DNAJB6: variants seen among roughly 807,000 people sequenced by gnomAD.
The protein encoded by DNAJB6 is dnaJ homolog subfamily B member 6.
In DNAJB6, 16 loss-of-function variants were observed where a neutral mutation model predicts 42.7. The ratio of observed to expected loss-of-function variants is 0.37; its 90% CI spans 0.25 to 0.57. The LOEUF is 0.57. Ranked by LOEUF, DNAJB6 falls within the 20% of genes least tolerant of loss-of-function variation. The pLI, the probability that DNAJB6 is intolerant of heterozygous loss-of-function variation, is 0.74. For missense variants in DNAJB6, 347 were observed against 416.8 expected (o/e 0.83, Z 1.46); for synonymous variants, 170 against 163.5 (o/e 1.04, Z -0.30).
intron 1 of DNAJB6, among the ~76,000 whole-genome samples, chr7:157,347,634 A>G (rs1002480840): frequency 1.3e-5 from 2 of 152,212 alleles, no homozygotes; most frequent in Non-Finnish European, 2.9e-5. Context: ...AGAATGTGTG[A>G]CACGTGAGTC....
At chr7:157,339,543 G>T (rs369225209) in intron 1 of DNAJB6, among the ~76,000 whole-genome samples, 1 of 151,244 alleles carries the variant, frequency 6.6e-6, no homozygotes, top group African/African-American at 2.4e-5. Flanking sequence ...CTCGTGATCC[G>T]CCTCCTCGGC....
At chr7:157,406,888 T>C (rs1795788725) in intron 8 of DNAJB6, among the ~76,000 whole-genome samples, 1 of 152,202 alleles carries the variant, frequency 6.6e-6, no homozygotes, top group African/African-American at 2.4e-5. Flanking sequence ...CCAGAGCAGC[T>C]CTGAAGGCAG....
intron 8 of DNAJB6, among the ~76,000 whole-genome samples, chr7:157,395,232 G>T (rs529657218): frequency 1.3e-5 from 2 of 152,246 alleles, no homozygotes; most frequent in African/African-American, 2.4e-5. Context: ...GGGGGCTGGG[G>T]GGGGGTTGGT....
intron 1 of DNAJB6, among the ~76,000 whole-genome samples, chr7:157,342,782 A>T (rs559378748): frequency 4.1e-4 from 62 of 152,234 alleles, no homozygotes; most frequent in Non-Finnish European, 7.9e-4. Flanking sequence ...AAGGGAGTTA[A>T]GCTTGGAAGT....
rs886043335 is a variant in DNAJB6, at chr7:157,358,636, G to A, written c.64G>A (p.Ala22Thr). The A allele has an allele frequency of 6.2e-7, 1 of 1,610,412 alleles. No individual in the cohort carries two copies. Among genetic ancestry groups the A allele is most frequent in the Non-Finnish European group, 8.5e-7 (1 of 1,176,568 alleles). ...RHASPEDIKK[A>T]YRKLALKWHP... is the part of the protein sequence containing the mutation. ...TGCCTCACCCGAGGATATTAAAAAG[G>A]CGTAAGTAGTTTTATTTCTGTGGTA... is the stretch of plus-strand genomic sequence containing the variant. Residue 22 changes from alanine to threonine, a missense_variant and splice_region_variant, in exon 2 of 10, where the codon GCA becomes ACA. Ala to Thr is a moderately conservative substitution (Grantham distance 58). Coordinates refer to ENST00000262177, the MANE Select transcript of DNAJB6 (RefSeq NM_058246.4).
intron 5 of DNAJB6, chr7:157,381,450 G>A (rs1800764154): frequency 6.6e-6 from 1 of 152,102 alleles, no homozygotes; most frequent in African/African-American, 2.4e-5. Flanking sequence ...TGAATTTTTA[G>A]TAAGTACTCA....
At chr7:157,395,684 CTTTTTTTTTT>C (rs869242320) in intron 8 of DNAJB6, among the ~76,000 whole-genome samples, 1 of 131,896 alleles carries the variant, frequency 7.6e-6, no homozygotes, top group Admixed American at 7.6e-5. Flanking sequence ...TTTTTCTTTT[CTTTTTTTTTT>C]TTTTTTTTGA....
intron 1 of DNAJB6, among the ~76,000 whole-genome samples, chr7:157,340,987 TGTGTGTGTGTGC>T (rs1040599046): frequency 1.2e-4 from 10 of 86,154 alleles, no homozygotes; most frequent in African/African-American, 5.0e-4. Context: ...TGTGTGTGTG[TGTGTGTGTGTGC>T]GCGCGCGCAG....
intron 8 of DNAJB6, among the ~76,000 whole-genome samples, chr7:157,389,718 A>ATTTT (rs1801249301): frequency 6.6e-6 from 1 of 152,152 alleles, no homozygotes; most frequent in African/African-American, 2.4e-5. Flanking sequence ...AAAAGGTGAA[A>ATTTT]AGAGGGAATG....
intron 5 of DNAJB6, among the ~76,000 whole-genome samples, chr7:157,374,323 G>C (rs982874291): frequency 6.6e-6 from 1 of 152,100 alleles, no homozygotes; most frequent in African/African-American, 2.4e-5. Context: ...GCAGTGGCGT[G>C]ATCTCGGCTC....
intron 8 of DNAJB6, among the ~76,000 whole-genome samples, chr7:157,404,043 T>A (rs1267134653): frequency 6.6e-6 from 1 of 151,690 alleles, no homozygotes; most frequent in East Asian, 2.0e-4. Context: ...CACAGCTCAC[T>A]GCAGCCTCGA....
rs965384494 is a variant in DNAJB6 at position 157,384,937 on chromosome 7, T to G, written c.549T>G (p.Ser183Arg). 1 of 1,614,016 alleles carries G rather than the reference T, an allele frequency of 6.2e-7. No homozygotes were observed. The highest frequency in any genetic ancestry group is 1.3e-5 in the African/African-American group (1 of 75,068). ...TSFSSTSFGG[S>R]GMGNFKSIST... is the part of the protein sequence containing the mutation. ...TCTCTTCCACGTCATTTGGTGGTAG[T>G]GGCATGGGCAACTTCAAATCGATAT... The change falls in exon 7 of 10, where the codon AGT (serine) becomes AGG (arginine). Residue 183 changes from serine to arginine, a missense_variant. By Grantham distance (110) the Ser-to-Arg change is moderately radical. Coordinates refer to ENST00000262177, the MANE Select transcript of DNAJB6 (RefSeq NM_058246.4).
At chr7:157,403,545 C>T (rs1795618824) in intron 8 of DNAJB6, among the ~76,000 whole-genome samples, 1 of 152,194 alleles carries the variant, frequency 6.6e-6, no homozygotes, top group African/African-American at 2.4e-5. Context: ...CAGCTCGCAG[C>T]AACCTTTGCC....
In DNAJB6 at chr7:157,388,901, C is replaced by A. The variant is rs562504244; in HGVS notation, c.691+3290C>A. ...ATTTCTATCCTTTATAAAATTTAAG[C>A]TTTTTAGATTCCAAAGATTCCAGGC... On this transcript the variant is annotated intron_variant, in intron 8 of 9. Coordinates refer to ENST00000262177, the MANE Select transcript of DNAJB6 (RefSeq NM_058246.4). 1.3e-3 allele frequency among the ~76,000 whole-genome samples: 202 copies of A among 152,242 alleles called. 2 individuals carry two copies. Among genetic ancestry groups the A allele is most frequent in the Middle Eastern group, 3.4e-3 (1 of 294 alleles).
At chr7:157,341,597 T>C (rs1205164279) in intron 1 of DNAJB6, among the ~76,000 whole-genome samples, 1 of 152,242 alleles carries the variant, frequency 6.6e-6, no homozygotes, top group African/African-American at 2.4e-5. Context: ...ACGTGTGTGC[T>C]CTAGTTGGTA....
intron 2 of DNAJB6, among the ~76,000 whole-genome samples, chr7:157,361,485 CAT>C (rs1379348435): frequency 6.6e-6 from 1 of 152,128 alleles, no homozygotes; most frequent in Non-Finnish European, 1.5e-5. Flanking sequence ...TCCACAGTGA[CAT>C]AAATTACTGT....
chr7:157,402,661 C>T (rs969596775), intron 8 of DNAJB6, among the ~76,000 whole-genome samples: 7 of 152,224 alleles, frequency 4.6e-5, no homozygotes, highest in African/African-American at 1.7e-4. Context: ...AGCGATGTGT[C>T]TTGGGGACGT....
chr7:157,362,164 T>G (rs1799635766), intron 2 of DNAJB6, among the ~76,000 whole-genome samples: 1 of 152,196 alleles, frequency 6.6e-6, no homozygotes, highest in Non-Finnish European at 1.5e-5. Context: ...AGTCAGTGTT[T>G]TAACTCTGTT....
chr7:157,340,545 T>G (rs895274278), intron 1 of DNAJB6, among the ~76,000 whole-genome samples: 1 of 151,486 alleles, frequency 6.6e-6, no homozygotes, highest in Non-Finnish European at 1.5e-5. Context: ...TTTTTTTTTT[T>G]GTATTGATAT....
Sources: gnomAD v4.1 joint callset for allele counts (sites outside exome capture counted in the v4.1 genomes callset) on GRCh38, gnomAD v4.1.1 for gene constraint, MANE v1.5 for transcripts, NCBI Gene and HGNC (gene_info 2026-07-23, HGNC 2026-07-21) for gene names.